The following PRDM8 variants were observed in gnomAD, a reference collection of about 807,000 sequenced individuals.
PRDM8 encodes the protein PR domain zinc finger protein 8.
Under a neutral mutation model 46.5 loss-of-function variants are expected in PRDM8, and 13 were observed. The ratio of observed to expected loss-of-function variants is 0.28; its 90% CI spans 0.18 to 0.44. The LOEUF (loss-of-function observed/expected upper bound fraction) is 0.44, where lower values mean the gene tolerates loss of function less well. Ranked by LOEUF, PRDM8 falls within the 20% of genes least tolerant of loss-of-function variation. The probability of loss-of-function intolerance (pLI) is 1.00; values close to 1 mark genes in which losing one functional copy is unlikely to be tolerated. For missense variants in PRDM8, 998 were observed against 955.0 expected, an observed-to-expected ratio of 1.04 and a Z score of -0.59; for synonymous variants, 473 against 438.4, an observed-to-expected ratio of 1.08 and a Z score of -0.98.
intron 2 of PRDM8, 85 bp downstream of exon 2, chr4:80,200,384 G>C: frequency 7.9e-7 from 1 of 1,262,536 alleles, no homozygotes; most frequent in Non-Finnish European, 1.1e-6. Context: ...GACAAGTGGA[G>C]ATAGGTTTTG....
chr4:80,201,828 TG>T, intron 3 of PRDM8, 85 bp from the exon 4 acceptor site: 29 of 1,578,566 alleles, frequency 1.8e-5, no homozygotes, highest in Non-Finnish European at 2.4e-5. Flanking sequence ...CAAACTGGCT[TG>T]GGGGCGATGC....
intron 1 of PRDM8, among the ~76,000 whole-genome samples, chr4:80,198,994 G>GTTTTTTTTTTTTTTTT (rs1310531623): frequency 1.1e-3 from 68 of 63,496 alleles, no homozygotes; most frequent in African/African-American, 2.0e-3. Flanking sequence ...TTTTTTTTTT[G>GTTTTTTTTTTTTTTTT]TTTTTTTTTT....
rs747248734 is a variant in PRDM8 at position 80,203,298 on chromosome 4, G to T, written c.1836G>T (p.Leu612=). The change falls in exon 4 of 4, where the codon CTG becomes CTT. Residue 612 remains leucine, a synonymous_variant. Transcript: ENST00000415738. ...AGCTGCCCTCGGCGCTCACGCTGCT[G>T]CCGCCCTCCTTCACCTCGCTGTGTC... The part of the protein sequence containing the change: ...QLQLPSALTL[L]PPSFTSLCLP... The T allele has an allele frequency of 6.2e-7, 1 of 1,609,954 alleles. No individual in the cohort carries two copies. The highest frequency in any genetic ancestry group is 1.3e-5 in the African/African-American group (1 of 74,916).
chr4:80,201,243 C>T (rs762505885), intron 2 of PRDM8, 47 bp from the exon 3 acceptor site: 10 of 1,530,966 alleles, frequency 6.5e-6, no homozygotes, highest in Non-Finnish European at 9.0e-6. Context: ...ATGAGGGTCC[C>T]TCTCCCCCTC....
intron 3 of PRDM8, among the ~76,000 whole-genome samples, 169 bp downstream of exon 3, chr4:80,201,690 A>G (rs1464114792): frequency 1.3e-5 from 2 of 152,232 alleles, no homozygotes; most frequent in African/African-American, 4.8e-5. Flanking sequence ...GTGAGGATAA[A>G]GCGAGGAAAC....
At position 80,203,354 on chromosome 4, in the gene PRDM8, A is replaced by G. The variant is rs763030062; in HGVS notation, c.1892A>G (p.Asn631Ser). ...GCGCAGAACTGGTGCGCCAAGTGCA[A>G]TGCCTCCTTCCGCATGACCTCCGAC... Reference protein sequence around the residue: ...LPAQNWCAKCNASFRMTSDLV... With the variant: ...LPAQNWCAKCSASFRMTSDLV... Residue 631 changes from asparagine (N) to serine (S), a missense_variant, in exon 4 of 4, where the codon AAT becomes AGT. Physicochemically the swap from Asn to Ser is conservative, Grantham distance 46. Transcript: ENST00000415738. 3 of 1,613,940 alleles carry G rather than the reference A, an allele frequency of 1.9e-6. No homozygotes were observed. The highest frequency in any genetic ancestry group is 1.7e-5 in the Admixed American group (1 of 60,022).
rs1364146270 is a variant in PRDM8 at position 80,203,659 on chromosome 4, C to G, written c.*127C>G. 1.4e-6 allele frequency: 2 copies of G among 1,408,688 alleles called. No homozygotes were observed. The highest frequency in any genetic ancestry group is 3.1e-5 in the African/African-American group (2 of 63,664). The allele number at this position is 1,408,688 out of a possible 1,614,324, so 87.3% of individuals were successfully genotyped here. Reference sequence around the variant, plus strand: ...CCTGCACAAAGACACATACATTCACCGCCCCCCCGCCCCCCCAACGCGCAC... The same window carrying G: ...CCTGCACAAAGACACATACATTCACGGCCCCCCCGCCCCCCCAACGCGCAC... On this transcript the variant is annotated 3_prime_UTR_variant, in exon 4 of 4. Coordinates refer to ENST00000415738, the MANE Select transcript of PRDM8 (RefSeq NM_001099403.2).
chr4:80,198,994 GT>G (rs1310531623), intron 1 of PRDM8, among the ~76,000 whole-genome samples: 17,917 of 64,228 alleles, frequency 0.28, 1,086 homozygotes, highest in Non-Finnish European at 0.31. Context: ...TTTTTTTTTT[GT>G]TTTTTTTTTT....
intron 1 of PRDM8, among the ~76,000 whole-genome samples, chr4:80,187,698 G>A (rs1737226849): frequency 1.3e-5 from 2 of 152,114 alleles, no homozygotes; most frequent in South Asian, 4.1e-4. Context: ...GTTGGGTTAT[G>A]CCCCTTCTCT....
intron 2 of PRDM8, among the ~76,000 whole-genome samples, chr4:80,192,276 C>T (rs1737610200): frequency 1.3e-5 from 2 of 152,164 alleles, no homozygotes; most frequent in Admixed American, 6.5e-5. Context: ...GTGTGTCTAT[C>T]GTTGCCTCTT....
Position 80,200,303 on chromosome 4 carries a change from A to G in PRDM8, c.219+4A>G, listed in dbSNP as rs1738341675. 1 of 1,603,628 alleles carries G rather than the reference A, an allele frequency of 6.2e-7. No homozygotes were observed. The highest frequency in any genetic ancestry group is 8.5e-7 in the Non-Finnish European group (1 of 1,170,812). ...AACAGTACCGTATATCTTTCGGGTA[A>G]GTCTCCACTGTAGCTGTGTAGGTGT... On this transcript the variant is annotated splice_donor_region_variant and intron_variant, in intron 2 of 3. Transcript: ENST00000415738.
chr4:80,197,385 G>A (rs889982427), upstream of PRDM8: 3 of 975,828 alleles, frequency 3.1e-6, no homozygotes, highest in Non-Finnish European at 3.7e-6. Flanking sequence ...TGCGAGGCAG[G>A]CGGCGCCGGA....
rs1738587865 is a variant in PRDM8 at position 80,202,541 on chromosome 4, G to T, written c.1079G>T (p.Ser360Ile). 12 of 1,535,764 alleles carry T rather than the reference G, an allele frequency of 7.8e-6. No individual in the cohort carries two copies. The highest frequency in any genetic ancestry group is 1.0e-5 in the Non-Finnish European group (12 of 1,146,444). Reference sequence around the variant, plus strand: ...CCGCAGCAGTACCGAGCCTCGGGCAGCTACTTCGGCCTGGAAGAGAACGGC... The same window carrying T: ...CCGCAGCAGTACCGAGCCTCGGGCATCTACTTCGGCCTGGAAGAGAACGGC... ...CTPQQYRASG[S>I]YFGLEENGRL... The change falls in exon 4 of 4, where the codon AGC becomes ATC. Residue 360 changes from serine to isoleucine, a missense_variant. Coordinates refer to ENST00000415738, the MANE Select transcript of PRDM8 (RefSeq NM_001099403.2).
intron 1 of PRDM8, among the ~76,000 whole-genome samples, chr4:80,190,751 C>T (rs543167999): frequency 1.3e-5 from 2 of 152,334 alleles, no homozygotes; most frequent in South Asian, 2.1e-4. Flanking sequence ...TCTTGCTTCC[C>T]AAACTTAGGA....
At chr4:80,193,670 C>T (rs1560468469), upstream of PRDM8, among the ~76,000 whole-genome samples, 1 of 152,172 alleles carries the variant, frequency 6.6e-6, no homozygotes, top group Admixed American at 6.5e-5. Flanking sequence ...AAGATCTATT[C>T]TCTTCCTCCC....
Position 80,202,945 on chromosome 4 carries a change from G to A in PRDM8, c.1483G>A (p.Asp495Asn), listed in dbSNP as rs765199329. ...GGGCGGGGGCCAGGGCGCCGCGTCG[G>A]ACGAGCGCAAAAGCGCCTTCTCGCA... Reference protein sequence around the residue: ...GAGGGQGAASDERKSAFSQPA... With the variant: ...GAGGGQGAASNERKSAFSQPA... The change falls in exon 4 of 4, where the codon GAC becomes AAC. Residue 495 changes from aspartate (D) to asparagine (N), a missense_variant. By Grantham distance (23) the Asp-to-Asn change is conservative. Coordinates refer to ENST00000415738, the MANE Select transcript of PRDM8 (RefSeq NM_001099403.2). 34 of 1,471,548 alleles carry A rather than the reference G, an allele frequency of 2.3e-5. No homozygotes were observed. In the South Asian group the frequency reaches 4.0e-4, roughly 17 times the overall value. 91.2% of individuals were successfully genotyped at this position (1,471,548 alleles called of 1,614,324 possible).
intron 1 of PRDM8, among the ~76,000 whole-genome samples, chr4:80,185,949 A>G (rs1361931505): frequency 6.6e-6 from 1 of 152,166 alleles, no homozygotes; most frequent in Non-Finnish European, 1.5e-5. Context: ...AGGCTGCTGC[A>G]TGGGTGGGCG....
In PRDM8 at chr4:80,202,369, G is replaced by C. The variant is rs1040001367; in HGVS notation, c.907G>C (p.Asp303His). Reference protein sequence around the residue: ...GGHQEAELSPDGIATGGGKGK... With the variant: ...GGHQEAELSPHGIATGGGKGK... Reference sequence around the variant, plus strand: ...CCACCAGGAGGCGGAGCTGAGTCCCGACGGCATCGCCACGGGCGGCGGCAA... The same window carrying C: ...CCACCAGGAGGCGGAGCTGAGTCCCCACGGCATCGCCACGGGCGGCGGCAA... Residue 303 changes from aspartate (D) to histidine (H), a missense_variant, in exon 4 of 4, where the codon GAC (aspartate) becomes CAC (histidine). Asp to His is a moderately conservative substitution (Grantham distance 81, BLOSUM62 -1). Transcript: ENST00000415738. 3.1e-6 allele frequency: 5 copies of C among 1,594,564 alleles called. No individual in the cohort carries two copies. In the East Asian group the frequency reaches 1.1e-4, roughly 36 times the overall value.
chr4:80,198,228 T>C (rs1738118799), intron 1 of PRDM8, among the ~76,000 whole-genome samples: 2 of 152,226 alleles, frequency 1.3e-5, no homozygotes, highest in East Asian at 3.9e-4. Flanking sequence ...CGACCGCTAT[T>C]AGCGCGGCGT....
Sources: gnomAD v4.1 joint callset for allele counts (sites outside exome capture counted in the v4.1 genomes callset) on GRCh38, gnomAD v4.1.1 for gene constraint, MANE v1.5 for transcripts, NCBI Gene and HGNC (gene_info 2026-07-23, HGNC 2026-07-21) for gene names.